Variants in DPY19L4 observed in about 807,000 individuals in gnomAD.
The protein encoded by DPY19L4 is probable C-mannosyltransferase DPY19L4.
In DPY19L4, 97 loss-of-function variants were observed where a neutral mutation model predicts 102.8. The observed-to-expected ratio is 0.94, with a 90% CI of 0.80 to 1.12. DPY19L4 has a LOEUF of 1.12. Among genes scored for constraint, DPY19L4 ranks in the 50% most tolerant of loss-of-function variants. DPY19L4 has a pLI of 0.00. For missense variants in DPY19L4, 815 were observed against 850.4 expected (o/e 0.96, Z 0.52); for synonymous variants, 252 against 283.1 (o/e 0.89, Z 1.10).
chr8:94,778,300 T>C (rs1169285705), intron 14 of DPY19L4, among the ~76,000 whole-genome samples: 2 of 152,096 alleles, frequency 1.3e-5, no homozygotes, highest in Non-Finnish European at 2.9e-5. Flanking sequence ...AAATAAAAGA[T>C]AAAAATGTAC....
chr8:94,738,267 C>G, intron 3 of DPY19L4, 102 bp from the exon 4 acceptor site: 1 of 348,296 alleles, frequency 2.9e-6, no homozygotes, highest in Non-Finnish European at 4.5e-6. Flanking sequence ...TGCAGTGAGC[C>G]GAGATCGCGC....
intron 8 of DPY19L4, among the ~76,000 whole-genome samples, chr8:94,762,378 C>G (rs1452457495): frequency 1.3e-5 from 2 of 152,130 alleles, no homozygotes; most frequent in African/African-American, 2.4e-5. Context: ...GAGGTGAGAT[C>G]ACAGGACCCT....
chr8:94,752,881 G>A (rs1299224608), intron 6 of DPY19L4, among the ~76,000 whole-genome samples: 1 of 151,620 alleles, frequency 6.6e-6, no homozygotes, highest in Non-Finnish European at 1.5e-5. Flanking sequence ...TAGCCAGGAT[G>A]GTCTCGATTT....
Position 94,783,606 on chromosome 8 carries a change from T to C in DPY19L4, c.1716-64T>C, listed in dbSNP as rs1037335125. The C allele has an allele frequency of 7.7e-6, 12 of 1,561,142 alleles. No homozygotes were observed. In the African/African-American group the frequency reaches 1.1e-4, roughly 14 times the overall value. Reference sequence around the variant, plus strand: ...GTTGTCTGGTATTTCAGAGTTGATATAGATCAGTGATCTAAATAGTATACT... The same window carrying C: ...GTTGTCTGGTATTTCAGAGTTGATACAGATCAGTGATCTAAATAGTATACT... On this transcript the variant is annotated intron_variant, in intron 16 of 18. Transcript: ENST00000414645.
At chr8:94,759,134 T>C (rs1253902624) in intron 7 of DPY19L4, among the ~76,000 whole-genome samples, 3 of 152,154 alleles carry the variant, frequency 2.0e-5, no homozygotes, top group Non-Finnish European at 2.9e-5. Flanking sequence ...GCAAGGTTTA[T>C]TGTGACGAGC....
At chr8:94,724,106 TTTATGTGAC>T (rs1023251977) in intron 1 of DPY19L4, among the ~76,000 whole-genome samples, 8 of 152,190 alleles carry the variant, frequency 5.3e-5, no homozygotes, top group African/African-American at 1.7e-4. Flanking sequence ...AAGAACACAT[TTTATGTGAC>T]TATTCCCCTC....
At chr8:94,738,886 T>C (rs1367023663) in intron 4 of DPY19L4, among the ~76,000 whole-genome samples, 1 of 152,210 alleles carries the variant, frequency 6.6e-6, no homozygotes, top group Non-Finnish European at 1.5e-5. Flanking sequence ...TTATTTTTAC[T>C]TTACATGTAG....
intron 1 of DPY19L4, among the ~76,000 whole-genome samples, chr8:94,723,404 C>A (rs190286693): frequency 1.3e-5 from 2 of 150,936 alleles, no homozygotes; most frequent in Non-Finnish European, 2.9e-5. Context: ...ACCCGGGAGG[C>A]GGAGGTTGTA....
chr8:94,789,829 T>A lies in DPY19L4; in HGVS notation c.2091T>A (p.Tyr697Ter). The change falls in exon 19 of 19, where the codon TAT becomes TAA. Residue 697 changes from tyrosine (Y) to a stop codon, truncating the protein, a stop_gained. Transcript: ENST00000414645. LOFTEE classifies it high-confidence loss of function. The stretch of plus-strand genomic sequence containing the variant: ...AGGTCAAAATTAACTATTCTCCATA[T>A]GTGAATTATTTCACTAGAGTATACT... ...CHEVKINYSP[Y>*]VNYFTRVYWN... is the part of the protein sequence containing the mutation. 1 of 1,611,856 alleles carries A rather than the reference T, an allele frequency of 6.2e-7. No individual in the cohort carries two copies. The highest frequency in any genetic ancestry group is 8.5e-7 in the Non-Finnish European group (1 of 1,179,002).
Position 94,761,723 on chromosome 8 carries a change from T to C in DPY19L4, c.759T>C (p.Ser253=), listed in dbSNP as rs1407603863. 2 of 1,605,662 alleles carry C rather than the reference T, an allele frequency of 1.2e-6. No homozygotes were observed. The highest frequency in any genetic ancestry group is 1.1e-5 in the South Asian group (1 of 88,346). ...AGAGGTTTTGCTACTTGTTGATGAG[T>C]GCTTCAACTTACACATTTATGATGA... ...YGERFCYLLM[S]ASTYTFMMMW... The change falls in exon 8 of 19, where the codon AGT becomes AGC. Residue 253 remains serine (S), a synonymous_variant. Coordinates refer to ENST00000414645, the MANE Select transcript of DPY19L4 (RefSeq NM_181787.3).
At chr8:94,732,767 T>C (rs957655379) in intron 2 of DPY19L4, among the ~76,000 whole-genome samples, 5 of 151,748 alleles carry the variant, frequency 3.3e-5, no homozygotes, top group Non-Finnish European at 7.4e-5. Flanking sequence ...TTTTTAATAT[T>C]CATAGACTAA....
In DPY19L4 at chr8:94,780,416, G is replaced by A; in HGVS notation, c.1632+1G>A. ...AATAGGTCTCAGCTTATGGAAAGAGGTAAAAAAATTAGATTTTTATATTAA... is the reference window on the plus strand; with the variant it reads ...AATAGGTCTCAGCTTATGGAAAGAGATAAAAAAATTAGATTTTTATATTAA... On this transcript the variant is annotated splice_donor_variant, in intron 15 of 18. Transcript: ENST00000414645. LOFTEE classifies it high-confidence loss of function. 1 of 1,449,434 alleles carries A rather than the reference G, an allele frequency of 6.9e-7. No individual in the cohort carries two copies. Among genetic ancestry groups the A allele is most frequent in the Non-Finnish European group, 9.2e-7 (1 of 1,084,634 alleles). The allele number at this position is 1,449,434 out of a possible 1,614,324, so 89.8% of individuals were successfully genotyped here.
At chr8:94,724,586 T>G (rs1810606465) in intron 1 of DPY19L4, among the ~76,000 whole-genome samples, 1 of 152,164 alleles carries the variant, frequency 6.6e-6, no homozygotes, top group Non-Finnish European at 1.5e-5. Flanking sequence ...TTGTTTTTTT[T>G]GTTTTGTTTC....
In DPY19L4 at chr8:94,789,928, A is replaced by C. The variant is rs1422216159; in HGVS notation, c.*18A>C. 2.5e-6 allele frequency: 4 copies of C among 1,580,838 alleles called. No homozygotes were observed. The highest frequency in any genetic ancestry group is 3.4e-6 in the Non-Finnish European group (4 of 1,170,246). On this transcript the variant is annotated 3_prime_UTR_variant, in exon 19 of 19. Coordinates refer to ENST00000414645, the MANE Select transcript of DPY19L4 (RefSeq NM_181787.3). Reference sequence around the variant, plus strand: ...AGTCTTGAAAAATAACAGAGCCTTCATTTCAAAGACTACCTGAAGTAAAAT... The same window carrying C: ...AGTCTTGAAAAATAACAGAGCCTTCCTTTCAAAGACTACCTGAAGTAAAAT...
At chr8:94,754,967 T>G (rs1199195399) in intron 6 of DPY19L4, among the ~76,000 whole-genome samples, 1 of 152,126 alleles carries the variant, frequency 6.6e-6, no homozygotes, top group Non-Finnish European at 1.5e-5. Context: ...TTTTGTGTTA[T>G]TAGTAAAGAC....
At chr8:94,759,500 CTTTT>C (rs1161705507) in intron 7 of DPY19L4, among the ~76,000 whole-genome samples, 7 of 67,560 alleles carry the variant, frequency 1.0e-4, no homozygotes, top group Admixed American at 2.1e-4. Context: ...TCTACATGTT[CTTTT>C]TTTTTTTTTT....
At chr8:94,733,156 C>T (rs1404026485) in intron 2 of DPY19L4, among the ~76,000 whole-genome samples, 12 of 125,436 alleles carry the variant, frequency 9.6e-5, no homozygotes, top group Non-Finnish European at 1.1e-4. Context: ...GACAGAGTCT[C>T]GCTCTGTCGC....
Position 94,719,962 on chromosome 8 carries a change from G to T in DPY19L4, c.-37G>T. 1 of 1,507,016 alleles carries T rather than the reference G, an allele frequency of 6.6e-7. No homozygotes were observed. Among genetic ancestry groups the T allele is most frequent in the Non-Finnish European group, 8.9e-7 (1 of 1,128,182 alleles). The allele number at this position is 1,507,016 out of a possible 1,614,324, so 93.4% of individuals were successfully genotyped here. ...CGGAGGGAGGGAGAGTCTGGGCCGC[G>T]CGGGAGCCGCAGGGCGCCCTAGCCT... On this transcript the variant is annotated 5_prime_UTR_variant, in exon 1 of 19. Transcript: ENST00000414645.
chr8:94,788,751 G>A (rs1159107331), intron 18 of DPY19L4, among the ~76,000 whole-genome samples: 1 of 152,220 alleles, frequency 6.6e-6, no homozygotes, highest in African/African-American at 2.4e-5. Flanking sequence ...TCCTGAGAAA[G>A]CTGGGAGTGA....
Sources: allele counts gnomAD v4.1 joint callset (sites outside exome capture counted in the v4.1 genomes callset), GRCh38; gene constraint gnomAD v4.1.1; transcripts MANE v1.5; gene names NCBI Gene and HGNC (gene_info 2026-07-23, HGNC 2026-07-21).